ANKRD17: variants seen among roughly 807,000 people sequenced by gnomAD.
The protein encoded by ANKRD17 is ankyrin repeat domain 17, also known as ankyrin repeat domain-containing protein 17.
In ANKRD17, 19 loss-of-function variants were observed where a neutral mutation model predicts 229.7. The ratio of observed to expected loss-of-function variants is 0.08; its 90% CI spans 0.06 to 0.12. ANKRD17 has a LOEUF of 0.12. Ranked by LOEUF, ANKRD17 falls within the 10% of genes least tolerant of loss-of-function variation. The pLI, the probability that ANKRD17 is intolerant of heterozygous loss-of-function variation, is 1.00. For missense variants in ANKRD17, 2,176 were observed against 3,176.8 expected, an observed-to-expected ratio of 0.68 and a Z score of 7.57; for synonymous variants, 1,112 against 1,146.1, an observed-to-expected ratio of 0.97 and a Z score of 0.60.
intron 30 of ANKRD17, among the ~76,000 whole-genome samples, chr4:73,081,358 AAGAGAG>A (rs371917704): frequency 1.0e-4 from 15 of 148,036 alleles, no homozygotes; most frequent in African/African-American, 3.6e-4. Context: ...CAAATCCTCT[AAGAGAG>A]AGAGAGAGAG....
At chr4:73,233,630 C>T (rs1242317012) in intron 1 of ANKRD17, among the ~76,000 whole-genome samples, 1 of 152,186 alleles carries the variant, frequency 6.6e-6, no homozygotes, top group Non-Finnish European at 1.5e-5. Flanking sequence ...CCCCCCACTA[C>T]CACCATATCC....
In ANKRD17 at chr4:73,075,915, A is replaced by G. The variant is rs183765814; in HGVS notation, c.*316T>C. On this transcript the variant is annotated 3_prime_UTR_variant, in exon 34 of 34. Transcript: ENST00000358602. ...TTTTGCTAAATTTCCGTGTTTGCTC[A>G]GAAGCAGTTTACAGTACTAAAACCA... is the stretch of plus-strand genomic sequence containing the variant. The G allele has an allele frequency of 1.9e-3, 446 of 229,988 alleles. 2 individuals are homozygous for G. Among genetic ancestry groups the G allele is most frequent in the African/African-American group, 9.6e-3 (425 of 44,414 alleles). 14.2% of individuals were successfully genotyped at this position (229,988 alleles called of 1,614,324 possible). A position where few individuals can be genotyped will look rare whatever the true frequency, so the allele number is the denominator to read the frequency against.
rs1720977893 is a variant in ANKRD17, at chr4:73,076,114, C to T, written c.*117G>A. The T allele has an allele frequency of 1.3e-6, 1 of 764,092 alleles. No homozygotes were observed. 47.3% of individuals were successfully genotyped at this position (764,092 alleles called of 1,614,324 possible). A position where few individuals can be genotyped will look rare whatever the true frequency, so the allele number is the denominator to read the frequency against. On this transcript the variant is annotated 3_prime_UTR_variant, in exon 34 of 34. Transcript: ENST00000358602. ...GTTAGTAAGATCTTCTGCAAAAAGC[C>T]TACACACTTCAGTCAAGCACATCAG... is the stretch of plus-strand genomic sequence containing the variant.
At position 73,147,376 on chromosome 4, in the gene ANKRD17, A is replaced by T; in HGVS notation, c.1624T>A (p.Cys542Ser). ...ETQETALTLA[C>S]CGGFLEVADF... ...GCCACTTCCAGAAAGCCTCCACAGC[A>T]AGCCAGAGTCAAGGCAGTTTCTTGA... Residue 542 changes from cysteine (C) to serine (S), a missense_variant, in exon 9 of 34, where the codon TGC (cysteine) becomes AGC (serine). Cys to Ser is a moderately radical substitution (Grantham distance 112). Coordinates refer to ENST00000358602, the MANE Select transcript of ANKRD17 (RefSeq NM_032217.5). 2 of 1,607,680 alleles carry T rather than the reference A, an allele frequency of 1.2e-6. No individual in the cohort carries two copies. The highest frequency in any genetic ancestry group is 1.7e-6 in the Non-Finnish European group (2 of 1,176,674).
In ANKRD17 at chr4:73,154,013, A is replaced by C; in HGVS notation, c.1101T>G (p.Gly367=). The change falls in exon 6 of 34, where the codon GGT becomes GGG. Residue 367 remains glycine (G), a synonymous_variant. Coordinates refer to ENST00000358602, the MANE Select transcript of ANKRD17 (RefSeq NM_032217.5). ...TTCCAGCTTCCATAAGAGGGGTATG[A>C]CCATTTTCATTATGGTCCTCAATAC... ...GASIEDHNEN[G]HTPLMEAGSA... The C allele has an allele frequency of 6.2e-7, 1 of 1,613,506 alleles. No individual in the cohort carries two copies. Among genetic ancestry groups the C allele is most frequent in the Non-Finnish European group, 8.5e-7 (1 of 1,179,714 alleles).
At chr4:73,174,096 A>AGGAAGGAAGGAAGGAAGGAC (rs1734406999) in intron 2 of ANKRD17, among the ~76,000 whole-genome samples, 2 of 54,734 alleles carry the variant, frequency 3.7e-5, no homozygotes, top group African/African-American at 5.0e-5. Context: ...GGAGGGGAGA[A>AGGAAGGAAGGAAGGAAGGAC]GGAAGGAAGG....
rs749709928 is a variant in ANKRD17, at chr4:73,139,521, A to T, written c.3085+10T>A. On this transcript the variant is annotated intron_variant, in intron 15 of 33. Coordinates refer to ENST00000358602, the MANE Select transcript of ANKRD17 (RefSeq NM_032217.5). The stretch of plus-strand genomic sequence containing the variant: ...ATATTTGATACCTGCTCATAACAAT[A>T]TAAACCCACCTGCCATGATGTCATC... 1 of 1,604,034 alleles carries T rather than the reference A, an allele frequency of 6.2e-7. No homozygotes were observed. Among genetic ancestry groups the T allele is most frequent in the East Asian group, 2.2e-5 (1 of 44,740 alleles).
chr4:73,086,413 A>C (rs1389769700), intron 29 of ANKRD17, among the ~76,000 whole-genome samples: 1 of 152,152 alleles, frequency 6.6e-6, no homozygotes, highest in Non-Finnish European at 1.5e-5. Flanking sequence ...TAAAGATAAA[A>C]CATTTACTCT....
chr4:73,128,806 A>G (rs1174454653), intron 16 of ANKRD17, among the ~76,000 whole-genome samples: 1 of 152,186 alleles, frequency 6.6e-6, no homozygotes, highest in African/African-American at 2.4e-5. Flanking sequence ...TTTCTGCATT[A>G]AGAGAAACTA....
intron 1 of ANKRD17, among the ~76,000 whole-genome samples, chr4:73,193,881 A>T (rs1231571627): frequency 1.3e-5 from 2 of 152,170 alleles, no homozygotes; most frequent in Admixed American, 1.3e-4. Flanking sequence ...GCAGTGACCC[A>T]TGATTGCGAC....
chr4:73,188,027 A>G (rs1229615392), intron 1 of ANKRD17, among the ~76,000 whole-genome samples: 1 of 152,282 alleles, frequency 6.6e-6, no homozygotes, highest in East Asian at 1.9e-4. Context: ...AACAGAGAAA[A>G]GTCTTTAAAA....
Position 73,198,757 on chromosome 4 carries a change from CCCCA to C in ANKRD17, c.394-21228_394-21225del, listed in dbSNP as rs563510014. Among the ~76,000 whole-genome samples the C allele has an allele frequency of 2.6e-5, 4 of 152,082 alleles. No homozygotes were observed. In the South Asian group the frequency reaches 8.3e-4, roughly 32 times the overall value. On this transcript the variant is annotated intron_variant, in intron 1 of 33. Coordinates refer to ENST00000358602, the MANE Select transcript of ANKRD17 (RefSeq NM_032217.5). Reference sequence around the variant, plus strand: ...ATATTCCTTTCACTGGACATCTGGCCCCCACCACAGATCCCAACAAAATCAAAGC... The same window carrying C: ...ATATTCCTTTCACTGGACATCTGGCCCCACAGATCCCAACAAAATCAAAGC...
At chr4:73,206,543 CTG>C (rs146503806) in intron 1 of ANKRD17, among the ~76,000 whole-genome samples, 1,684 of 152,130 alleles carry the variant, frequency 0.011, 33 homozygotes, top group African/African-American at 0.039. Flanking sequence ...CTGGAGAACA[CTG>C]TGCTCAATGA....
intron 33 of ANKRD17, 146 bp downstream of exon 33, chr4:73,076,794 C>T (rs1366862593): frequency 1.0e-6 from 1 of 970,650 alleles, no homozygotes; most frequent in Non-Finnish European, 1.5e-6. Context: ...TGCCCACAGC[C>T]CTCTGCTATA....
In ANKRD17 at chr4:73,141,813, T is replaced by A. The variant is rs1295787316; in HGVS notation, c.2260A>T (p.Met754Leu). The A allele has an allele frequency of 1.2e-6, 2 of 1,613,938 alleles. No homozygotes were observed. Among genetic ancestry groups the A allele is most frequent in the Non-Finnish European group, 1.7e-6 (2 of 1,179,920 alleles). Residue 754 changes from methionine (M) to leucine (L), a missense_variant, in exon 14 of 34, where the codon ATG becomes TTG. Met to Leu is a conservative substitution (Grantham distance 15). Coordinates refer to ENST00000358602, the MANE Select transcript of ANKRD17 (RefSeq NM_032217.5). Reference protein sequence around the residue: ...APRVPVQALPMVVPPQEPDKP... With the variant: ...APRVPVQALPLVVPPQEPDKP... ...TCAGGCTCCTGAGGTGGAACAACCA[T>A]GGGCAGTGCTTGAACTGGTACACGA...
intron 1 of ANKRD17, among the ~76,000 whole-genome samples, chr4:73,202,041 T>C (rs2149110161): frequency 6.6e-6 from 1 of 152,220 alleles, no homozygotes; most frequent in Non-Finnish European, 1.5e-5. Flanking sequence ...GGCACTTTAT[T>C]AGCCATGAAA....
At chr4:73,135,879 A>G (rs1728835682) in intron 15 of ANKRD17, among the ~76,000 whole-genome samples, 1 of 152,200 alleles carries the variant, frequency 6.6e-6, no homozygotes, top group African/African-American at 2.4e-5. Flanking sequence ...TCATGTGAAG[A>G]ATTATTCTGA....
chr4:73,081,261 A>G (rs1721529473), intron 30 of ANKRD17, among the ~76,000 whole-genome samples: 2 of 152,240 alleles, frequency 1.3e-5, no homozygotes, highest in African/African-American at 4.8e-5. Flanking sequence ...TGATGTGCAT[A>G]TACAAGGTAA....
rs74331770 is a variant in ANKRD17 at position 73,246,277 on chromosome 4, T to C, written c.393+11999A>G. Among the ~76,000 whole-genome samples the C allele has an allele frequency of 8.6e-3, 1,310 of 152,268 alleles. 15 individuals are homozygous for C. Among genetic ancestry groups the C allele is most frequent in the African/African-American group, 0.03 (1,237 of 41,532 alleles). On this transcript the variant is annotated intron_variant, in intron 1 of 33. Coordinates refer to ENST00000358602, the MANE Select transcript of ANKRD17 (RefSeq NM_032217.5). ...TGCTGTGTACTTCCTATTCTTCCCT[T>C]CTCTAGAAGAGTTTTCATTATGATT... is the stretch of plus-strand genomic sequence containing the variant.
Sources: allele counts gnomAD v4.1 joint callset (sites outside exome capture counted in the v4.1 genomes callset), GRCh38; gene constraint gnomAD v4.1.1; transcripts MANE v1.5; gene names NCBI Gene and HGNC (gene_info 2026-07-23, HGNC 2026-07-21).